DPP10: variants seen among roughly 807,000 people sequenced by gnomAD.
The protein encoded by DPP10 is dipeptidyl peptidase like 10.
Under a neutral mutation model 120.9 loss-of-function variants are expected in DPP10, and 33 were observed. The observed-to-expected ratio is 0.27, with a 90% CI of 0.21 to 0.37. DPP10 has a LOEUF of 0.37. Ranked by LOEUF, DPP10 falls within the 10% of genes least tolerant of loss-of-function variation. The pLI, the probability that DPP10 is intolerant of heterozygous loss-of-function variation, is 1.00. For missense variants in DPP10, 816 were observed against 942.8 expected, an observed-to-expected ratio of 0.87 and a Z score of 1.76; for synonymous variants, 337 against 326.1, an observed-to-expected ratio of 1.03 and a Z score of -0.36.
intron 7 of DPP10, among the ~76,000 whole-genome samples, chr2:115,726,349 C>T (rs2149632626): frequency 6.6e-6 from 1 of 152,212 alleles, no homozygotes; most frequent in Non-Finnish European, 1.5e-5. Context: ...GTGTACAGTC[C>T]ACCCTGCTTT....
At chr2:115,664,806 C>A (rs1343023350) in intron 5 of DPP10, among the ~76,000 whole-genome samples, 1 of 152,176 alleles carries the variant, frequency 6.6e-6, no homozygotes, top group Non-Finnish European at 1.5e-5. Context: ...ATCTTTCCAT[C>A]CTAATCTTAA....
intron 5 of DPP10, among the ~76,000 whole-genome samples, chr2:115,561,350 C>A (rs2080653860): frequency 1.0e-5 from 1 of 100,378 alleles, no homozygotes; most frequent in African/African-American, 4.2e-5. Context: ...CAGAGCAAGA[C>A]TCCATCACAA....
intron 1 of DPP10, among the ~76,000 whole-genome samples, chr2:115,250,591 G>A (rs1193295628): frequency 1.3e-5 from 2 of 152,128 alleles, no homozygotes; most frequent in Admixed American, 6.5e-5. Flanking sequence ...CTCATAGTAC[G>A]GTTACATTAT....
At chr2:115,270,142 T>C (rs1218122056) in intron 1 of DPP10, among the ~76,000 whole-genome samples, 1 of 149,248 alleles carries the variant, frequency 6.7e-6, no homozygotes, top group Non-Finnish European at 1.5e-5. Context: ...TTATTTATGC[T>C]GGCAGACTGA....
At chr2:115,089,484 G>A (rs1165736853) in intron 1 of DPP10, among the ~76,000 whole-genome samples, 2 of 152,124 alleles carry the variant, frequency 1.3e-5, no homozygotes, top group African/African-American at 4.8e-5. Flanking sequence ...CATCACTGAA[G>A]TCCCTTTCTC....
chr2:114,469,110 CAT>C (rs1394071711), intron 1 of DPP10, among the ~76,000 whole-genome samples: 4 of 139,354 alleles, frequency 2.9e-5, no homozygotes, highest in Non-Finnish European at 3.2e-5. Context: ...AGGAGGAAAA[CAT>C]AGATTCTGAT....
intron 3 of DPP10, among the ~76,000 whole-genome samples, chr2:115,401,607 G>A (rs1425510564): frequency 6.6e-6 from 1 of 151,974 alleles, no homozygotes; most frequent in Non-Finnish European, 1.5e-5. Flanking sequence ...TAGATAAATA[G>A]ACGCAGGGCA....
intron 1 of DPP10, among the ~76,000 whole-genome samples, chr2:114,977,911 C>T (rs1699853662): frequency 6.7e-6 from 1 of 149,188 alleles, no homozygotes; most frequent in Non-Finnish European, 1.5e-5. Context: ...TGAATCTTAT[C>T]AAATTTTTTA....
intron 5 of DPP10, among the ~76,000 whole-genome samples, chr2:115,587,173 C>G (rs1213528841): frequency 7.0e-6 from 1 of 143,548 alleles, no homozygotes; most frequent in East Asian, 2.2e-4. Flanking sequence ...TCTTGGCTCA[C>G]TGCAAGCTCC....
At chr2:114,879,493 T>C (rs1691431932) in intron 1 of DPP10, among the ~76,000 whole-genome samples, 1 of 152,182 alleles carries the variant, frequency 6.6e-6, no homozygotes, top group Non-Finnish European at 1.5e-5. Context: ...AAAATTAATA[T>C]CTTTAAATTT....
intron 1 of DPP10, among the ~76,000 whole-genome samples, chr2:114,551,819 G>A (rs147628701): frequency 1.3e-5 from 2 of 152,306 alleles, no homozygotes; most frequent in African/African-American, 4.8e-5. Flanking sequence ...ACTGTTTGGA[G>A]TTTTTAATTC....
chr2:115,564,232 C>A (rs200021482), intron 5 of DPP10, among the ~76,000 whole-genome samples: 3 of 112,834 alleles, frequency 2.7e-5, no homozygotes, highest in South Asian at 2.9e-4. Context: ...TTGATCATGT[C>A]TTTTTTTTTT....
At chr2:115,659,184 G>A (rs2088676160) in intron 5 of DPP10, among the ~76,000 whole-genome samples, 1 of 152,106 alleles carries the variant, frequency 6.6e-6, no homozygotes, top group South Asian at 2.1e-4. Context: ...AAGAAGGCCT[G>A]CATCAGATGC....
At chr2:114,653,874 C>T (rs1267159739) in intron 1 of DPP10, among the ~76,000 whole-genome samples, 4 of 152,186 alleles carry the variant, frequency 2.6e-5, no homozygotes, top group African/African-American at 9.6e-5. Flanking sequence ...TCCCTGTGTA[C>T]TAGCCCCTCT....
chr2:114,640,307 C>T (rs1340975116), intron 1 of DPP10, among the ~76,000 whole-genome samples: 1 of 151,864 alleles, frequency 6.6e-6, no homozygotes, highest in Non-Finnish European at 1.5e-5. Flanking sequence ...GAAGGTCATA[C>T]CCTATTTGGC....
At chr2:115,336,627 T>A (rs1442716234) in intron 2 of DPP10, among the ~76,000 whole-genome samples, 1 of 151,746 alleles carries the variant, frequency 6.6e-6, no homozygotes, top group African/African-American at 2.4e-5. Flanking sequence ...TTGTGCCTTA[T>A]ATTTTGTTAC....
chr2:114,738,261 G>C (rs1232614572), intron 1 of DPP10, among the ~76,000 whole-genome samples: 1 of 152,136 alleles, frequency 6.6e-6, no homozygotes, highest in Non-Finnish European at 1.5e-5. Context: ...AATCATATCA[G>C]TACTCAACTC....
chr2:114,675,354 AAG>A (rs767730829), intron 1 of DPP10, among the ~76,000 whole-genome samples: 48 of 152,284 alleles, frequency 3.2e-4, no homozygotes, highest in Non-Finnish European at 6.9e-4. Flanking sequence ...CTTTTGTAAA[AAG>A]AGAGAAATGT....
chr2:115,081,620 T>C (rs2104499675), intron 1 of DPP10, among the ~76,000 whole-genome samples: 1 of 152,338 alleles, frequency 6.6e-6, no homozygotes, highest in African/African-American at 2.4e-5. Flanking sequence ...TGGTTCCGTT[T>C]TCCATTTCTG....
Sources: gnomAD v4.1 joint callset for allele counts (sites outside exome capture counted in the v4.1 genomes callset) on GRCh38, gnomAD v4.1.1 for gene constraint, MANE v1.5 for transcripts, NCBI Gene and HGNC (gene_info 2026-07-23, HGNC 2026-07-21) for gene names.